Variants in SH3RF2 observed in about 807,000 individuals in gnomAD.
SH3RF2 encodes the protein SH3 domain containing ring finger 2.
In SH3RF2, 43 loss-of-function variants were observed where a neutral mutation model predicts 59.0. The observed-to-expected ratio is 0.73, with a 90% CI of 0.57 to 0.94. The LOEUF (loss-of-function observed/expected upper bound fraction) is 0.94, where lower values mean the gene tolerates loss of function less well. SH3RF2 is among the 40% of genes least tolerant of loss of function. The pLI is 0.00. For missense variants in SH3RF2, 930 were observed against 940.1 expected, an observed-to-expected ratio of 0.99 and a Z score of 0.14; for synonymous variants, 391 against 391.5, an observed-to-expected ratio of 1.00 and a Z score of 0.01.
chr5:146,033,363 A>T (rs1318252367), intron 5 of SH3RF2, among the ~76,000 whole-genome samples: 1 of 147,920 alleles, frequency 6.8e-6, no homozygotes, highest in East Asian at 2.1e-4. Flanking sequence ...GCATTTGTCA[A>T]TTGGAGGAGA....
At chr5:146,055,200 AC>A (rs1762625521) in intron 7 of SH3RF2, among the ~76,000 whole-genome samples, 1 of 152,254 alleles carries the variant, frequency 6.6e-6, no homozygotes, top group African/African-American at 2.4e-5. Flanking sequence ...TTTTCCTGCC[AC>A]CAAATGATGA....
intron 5 of SH3RF2, among the ~76,000 whole-genome samples, chr5:146,033,432 T>G (rs549584189): frequency 6.8e-6 from 1 of 146,546 alleles, no homozygotes; most frequent in East Asian, 2.1e-4. Flanking sequence ...AGTGAAAATC[T>G]ATGAGCACTA....
At chr5:146,045,391 T>C (rs1762267496) in intron 5 of SH3RF2, among the ~76,000 whole-genome samples, 1 of 152,240 alleles carries the variant, frequency 6.6e-6, no homozygotes, top group Admixed American at 6.5e-5. Flanking sequence ...TGGTTTTTAG[T>C]ATATTCACAG....
chr5:146,018,585 T>C (rs1761196108), intron 5 of SH3RF2, among the ~76,000 whole-genome samples: 1 of 152,190 alleles, frequency 6.6e-6, no homozygotes, highest in South Asian at 2.1e-4. Context: ...TTGTGAATTG[T>C]GTTGTGATAA....
intron 2 of SH3RF2, among the ~76,000 whole-genome samples, chr5:145,952,763 C>G (rs1758240420): frequency 6.6e-6 from 1 of 152,098 alleles, no homozygotes; most frequent in South Asian, 2.1e-4. Flanking sequence ...AGGACATTGG[C>G]AGGGGAGTGA....
At chr5:145,956,654 G>A (rs1302738890) in intron 2 of SH3RF2, among the ~76,000 whole-genome samples, 3 of 152,030 alleles carry the variant, frequency 2.0e-5, no homozygotes, top group Admixed American at 6.6e-5. Flanking sequence ...AATTATAGAC[G>A]TATACTACTG....
At chr5:146,068,444 T>C (rs963220550) in intron 9 of SH3RF2, among the ~76,000 whole-genome samples, 2 of 152,182 alleles carry the variant, frequency 1.3e-5, no homozygotes, top group Non-Finnish European at 2.9e-5. Context: ...CTTGTTTATA[T>C]CTTGAGAGAA....
At chr5:146,011,357 G>T (rs965020928) in intron 4 of SH3RF2, among the ~76,000 whole-genome samples, 1 of 152,092 alleles carries the variant, frequency 6.6e-6, no homozygotes, top group Non-Finnish European at 1.5e-5. Context: ...TGACTCGGCA[G>T]TGTGGGCTCT....
At chr5:146,001,007 A>G (rs1029008086) in intron 3 of SH3RF2, among the ~76,000 whole-genome samples, 4 of 152,236 alleles carry the variant, frequency 2.6e-5, no homozygotes, top group African/African-American at 9.6e-5. Context: ...ATCTTGTTGT[A>G]AACATCTCAT....
At chr5:145,993,792 T>C (rs1239933434) in intron 2 of SH3RF2, among the ~76,000 whole-genome samples, 3 of 152,242 alleles carry the variant, frequency 2.0e-5, no homozygotes, top group South Asian at 2.1e-4. Context: ...TGAAGACCTC[T>C]GACATGCCCT....
At chr5:146,023,347 T>G (rs1057113016) in intron 5 of SH3RF2, among the ~76,000 whole-genome samples, 2 of 152,244 alleles carry the variant, frequency 1.3e-5, no homozygotes, top group East Asian at 3.9e-4. Flanking sequence ...AAGGTGGGAT[T>G]AAAGGCATGC....
chr5:146,043,644 C>T (rs1456190736), intron 5 of SH3RF2: 3 of 152,224 alleles, frequency 2.0e-5, no homozygotes, highest in Non-Finnish European at 4.4e-5. Flanking sequence ...GTCTCCCCAC[C>T]CTGGCTCTTG....
At chr5:145,938,902 C>T (rs1029209241) in intron 2 of SH3RF2, among the ~76,000 whole-genome samples, 21 of 152,210 alleles carry the variant, frequency 1.4e-4, no homozygotes, top group African/African-American at 5.1e-4. Context: ...CTGTGAAGTG[C>T]TTCAGCTGTG....
chr5:145,993,095 G>A (rs1460212187), intron 2 of SH3RF2, among the ~76,000 whole-genome samples: 1 of 151,972 alleles, frequency 6.6e-6, no homozygotes, highest in Non-Finnish European at 1.5e-5. Flanking sequence ...GAACAAAGGA[G>A]CTACAGGCCC....
At position 146,000,103 on chromosome 5, in the gene SH3RF2, G is replaced by A. The variant is rs376743854; in HGVS notation, c.424G>A (p.Gly142Ser). 77 of 1,613,468 alleles carry A rather than the reference G, an allele frequency of 4.8e-5. No individual in the cohort carries two copies. The African/African-American group carries it at 5.1e-4, about 11-fold the overall frequency. ...ALCNYRGQNP[G>S]DLRFNKGDII... ...ATGCAACTACAGAGGGCAGAATCCC[G>A]GTGACCTAAGGTTTAATAAGGGAGA... The change falls in exon 3 of 10, where the codon GGT becomes AGT. Residue 142 changes from glycine (G) to serine (S), a missense_variant. Physicochemically the swap from Gly to Ser is moderately conservative, Grantham distance 56. Transcript: ENST00000359120.
At chr5:145,943,428 T>A (rs1580749054) in intron 2 of SH3RF2, among the ~76,000 whole-genome samples, 3 of 152,322 alleles carry the variant, frequency 2.0e-5, no homozygotes, top group Non-Finnish European at 2.9e-5. Context: ...ACTATGTATG[T>A]GTTAAAATTT....
At chr5:146,079,085 T>C (rs1293997524) in exon 10 of SH3RF2, 1 of 151,954 alleles carries the variant, frequency 6.6e-6, no homozygotes, top group Non-Finnish European at 1.5e-5. Flanking sequence ...TAGAGCATAA[T>C]GATCAAGAAA....
At chr5:146,069,667 C>T (rs757898911) in intron 9 of SH3RF2, among the ~76,000 whole-genome samples, 6 of 152,106 alleles carry the variant, frequency 3.9e-5, no homozygotes, top group Admixed American at 2.6e-4. Context: ...TCAACAGCCC[C>T]GGCTCAAGTG....
chr5:146,056,697 C>CT (rs34754215), intron 8 of SH3RF2, among the ~76,000 whole-genome samples: 1 of 152,162 alleles, frequency 6.6e-6, no homozygotes, highest in Non-Finnish European at 1.5e-5. Flanking sequence ...ATGCATAGAA[C>CT]TTTTTTAAAA....
Sources: allele counts gnomAD v4.1 joint callset (sites outside exome capture counted in the v4.1 genomes callset), GRCh38; gene constraint gnomAD v4.1.1; transcripts MANE v1.5; gene names NCBI Gene and HGNC (gene_info 2026-07-23, HGNC 2026-07-21).